MMRN2: variants seen among roughly 807,000 people sequenced by gnomAD.
MMRN2 encodes the protein multimerin-2.
In MMRN2, 53 loss-of-function variants were observed where a neutral mutation model predicts 68.8. That is an observed-to-expected ratio of 0.77 (90% CI 0.62 to 0.97). MMRN2 has a LOEUF of 0.97. MMRN2 is among the 50% of genes least tolerant of loss of function. The pLI is 0.00. For synonymous variants in MMRN2, 564 were observed against 551.6 expected, an observed-to-expected ratio of 1.02 and a Z score of -0.32; for missense variants, 1,266 against 1,259.5, an observed-to-expected ratio of 1.01 and a Z score of -0.08.
chr10:86,942,650 C>G lies in MMRN2; in HGVS notation c.2134G>C (p.Gly712Arg). The change falls in exon 6 of 7, where the codon GGG becomes CGG. Residue 712 changes from glycine (G) to arginine (R), a missense_variant. Physicochemically the swap from Gly to Arg is moderately radical, Grantham distance 125. Transcript: ENST00000372027. ...CCGGCCTCGGCCTCGCAGCACCGCC[C>G]GACATTCTTGACGTCGTTGCTCAGG... The part of the protein sequence containing the change: ...QSLSNDVKNV[G>R]RCCEAEAGAG... 2 of 1,597,932 alleles carry G rather than the reference C, an allele frequency of 1.3e-6. No individual in the cohort carries two copies. The highest frequency in any genetic ancestry group is 1.7e-4 in the Middle Eastern group (1 of 5,790).
In MMRN2 at chr10:86,936,279, A is replaced by G. The variant is rs149569211; in HGVS notation, c.*464T>C. On this transcript the variant is annotated 3_prime_UTR_variant, in exon 7 of 7. Coordinates refer to ENST00000372027, the MANE Select transcript of MMRN2 (RefSeq NM_024756.3). ...TCCCATTGCCCTCTAGTGCTTTCCA[A>G]TGTTGGCCAAAATGTTGCCTCCATT... The G allele has an allele frequency of 1.1e-3, 481 of 421,336 alleles. 6 individuals carry two copies. The highest frequency in any genetic ancestry group is 8.1e-3 in the African/African-American group (402 of 49,390). 26.1% of individuals were successfully genotyped at this position (421,336 alleles called of 1,614,324 possible).
Position 86,944,297 on chromosome 10 carries a change from G to C in MMRN2, c.620C>G (p.Thr207Arg). 1 of 1,613,082 alleles carries C rather than the reference G, an allele frequency of 6.2e-7. No individual in the cohort carries two copies. The highest frequency in any genetic ancestry group is 8.5e-7 in the Non-Finnish European group (1 of 1,179,422). Reference sequence around the variant, plus strand: ...TTGATTTGCTTCCATCACTGCAGCTGTGAGGTTACCAGGCAGGGCTTTCCA... The same window carrying C: ...TTGATTTGCTTCCATCACTGCAGCTCTGAGGTTACCAGGCAGGGCTTTCCA... ...GLWKALPGNLTAAVMEANQTG... is the reference protein window; with the variant it reads ...GLWKALPGNLRAAVMEANQTG... The change falls in exon 5 of 7, where the codon ACA (threonine) becomes AGA (arginine). Residue 207 changes from threonine to arginine, a missense_variant. Thr to Arg is a moderately conservative substitution (Grantham distance 71, BLOSUM62 -1). Coordinates refer to ENST00000372027, the MANE Select transcript of MMRN2 (RefSeq NM_024756.3).
At position 86,935,780 on chromosome 10, in the gene MMRN2, T is replaced by A. The variant is rs1466172033; in HGVS notation, c.*963A>T. On this transcript the variant is annotated 3_prime_UTR_variant, in exon 7 of 7. Coordinates refer to ENST00000372027, the MANE Select transcript of MMRN2 (RefSeq NM_024756.3). Reference sequence around the variant, plus strand: ...AAAGACATGAAATTTAAATTACAGATAAACACAAGTGTATTAGTCCATTTT... The same window carrying A: ...AAAGACATGAAATTTAAATTACAGAAAAACACAAGTGTATTAGTCCATTTT... 1 of 152,268 alleles carries A rather than the reference T, an allele frequency of 6.6e-6. No homozygotes were observed. The highest frequency in any genetic ancestry group is 2.4e-5 in the African/African-American group (1 of 41,458). 9.4% of individuals were successfully genotyped at this position (152,268 alleles called of 1,614,324 possible). A position where few individuals can be genotyped will look rare whatever the true frequency, so the allele number is the denominator to read the frequency against.
chr10:86,943,575 G>A lies in MMRN2; in HGVS notation c.1209C>T (p.Ala403=). ...TCTCATCCACGTGCCGGGTCAGGGT[G>A]GCCCTCATGTCCTCCAGGGTGTACT... The part of the protein sequence containing the change: ...ELQYTLEDMR[A]TLTRHVDEIK... Residue 403 remains alanine (A), a synonymous_variant, in exon 6 of 7, where the codon GCC becomes GCT. Transcript: ENST00000372027. The surrounding 1 kb of genome is among the most constrained non-coding windows in gnomAD (Gnocchi z 4.2). 1.2e-6 allele frequency: 2 copies of A among 1,614,126 alleles called. No individual in the cohort carries two copies. The highest frequency in any genetic ancestry group is 1.7e-6 in the Non-Finnish European group (2 of 1,180,034).
intron 6 of MMRN2, among the ~76,000 whole-genome samples, chr10:86,939,677 C>A (rs12769780): frequency 0.42 from 63,898 of 151,472 alleles, 14,502 homozygotes; most frequent in East Asian, 0.71. Context: ...AGACCCCCAC[C>A]CCAACCCAGC....
At chr10:86,948,698 A>G (rs1844105286) in intron 1 of MMRN2, 1 of 152,196 alleles carries the variant, frequency 6.6e-6, no homozygotes, top group South Asian at 2.1e-4. Flanking sequence ...TCATGCCTGT[A>G]ATCCCAGTAT....
chr10:86,953,656 A>G (rs1326101628), intron 1 of MMRN2, among the ~76,000 whole-genome samples: 1 of 152,214 alleles, frequency 6.6e-6, no homozygotes, highest in East Asian at 1.9e-4. Context: ...CAAATACCCT[A>G]CAATGCATAG....
rs1441255838 is a variant in MMRN2, at chr10:86,943,698, T to C, written c.1086A>G (p.Ala362=). ...SLVLATPGAG[A]RPEPDSLQAR... ...CCTGCAGGCTGTCCGGCTCAGGCCTTGCCCCAGCCCCAGGCGTTGCCAACA... is the reference window on the plus strand; with the variant it reads ...CCTGCAGGCTGTCCGGCTCAGGCCTCGCCCCAGCCCCAGGCGTTGCCAACA... The change falls in exon 6 of 7, where the codon GCA becomes GCG. Residue 362 remains alanine, a synonymous_variant. Transcript: ENST00000372027. The surrounding 1 kb of genome is among the most constrained non-coding windows in gnomAD (Gnocchi z 4.2). The C allele has an allele frequency of 6.2e-7, 1 of 1,610,344 alleles. No individual in the cohort carries two copies. The highest frequency in any genetic ancestry group is 1.7e-5 in the Admixed American group (1 of 60,032).
In MMRN2 at chr10:86,936,767, C is replaced by T. The variant is rs778835506; in HGVS notation, c.2826G>A (p.Gly942=). The change falls in exon 7 of 7, where the codon GGG becomes GGA. Residue 942 remains glycine (G), a synonymous_variant. Transcript: ENST00000372027. ...TKRSLSGTAF[G]GFLMFKT ...TTCAGGTCTTAAACATCAGGAAGCCCCCAAATGCAGTGCCCGACAGGCTTC... is the reference window on the plus strand; with the variant it reads ...TTCAGGTCTTAAACATCAGGAAGCCTCCAAATGCAGTGCCCGACAGGCTTC... The T allele has an allele frequency of 1.2e-6, 2 of 1,614,148 alleles. No homozygotes were observed. Among genetic ancestry groups the T allele is most frequent in the Non-Finnish European group, 1.7e-6 (2 of 1,180,028 alleles).
chr10:86,955,381 G>A (rs1589308456), intron 1 of MMRN2, among the ~76,000 whole-genome samples: 1 of 152,298 alleles, frequency 6.6e-6, no homozygotes, highest in East Asian at 1.9e-4. Context: ...GGCAACCTAA[G>A]AAGCAGTTAA....
chr10:86,939,675 ACC>A (rs371629226), intron 6 of MMRN2, among the ~76,000 whole-genome samples: 3 of 151,038 alleles, frequency 2.0e-5, no homozygotes, highest in Non-Finnish European at 4.4e-5. Flanking sequence ...AGAGACCCCC[ACC>A]CCAACCCAGC....
chr10:86,946,722 A>G (rs1280946533), intron 1 of MMRN2, among the ~76,000 whole-genome samples: 1 of 152,108 alleles, frequency 6.6e-6, no homozygotes, highest in African/African-American at 2.4e-5. Context: ...TGAAAGTGGC[A>G]ATGATCTCTG....
chr10:86,946,900 T>C (rs566530840), intron 1 of MMRN2, among the ~76,000 whole-genome samples: 1 of 152,148 alleles, frequency 6.6e-6, no homozygotes, highest in Admixed American at 6.5e-5. Flanking sequence ...AAGGAGCTAA[T>C]GGGGCTGTGT....
chr10:86,952,017 G>A (rs556971165), intron 1 of MMRN2, among the ~76,000 whole-genome samples: 4 of 152,258 alleles, frequency 2.6e-5, no homozygotes, highest in South Asian at 2.1e-4. Flanking sequence ...CACTGCACTC[G>A]AGCCTGGGTC....
At chr10:86,945,941 A>G (rs1844062214) in intron 1 of MMRN2, 2 of 954,038 alleles carry the variant, frequency 2.1e-6, no homozygotes, top group South Asian at 3.6e-5. Context: ...AGAGGCTGAG[A>G]AACCCACCAC....
intron 1 of MMRN2, among the ~76,000 whole-genome samples, chr10:86,956,144 G>A (rs1030812801): frequency 2.9e-4 from 11 of 37,562 alleles, no homozygotes; most frequent in South Asian, 2.7e-3. Flanking sequence ...CCCCTCCCCC[G>A]CCCCCTGCTC....
chr10:86,950,689 T>C (rs1844134466), intron 1 of MMRN2, among the ~76,000 whole-genome samples: 1 of 151,696 alleles, frequency 6.6e-6, no homozygotes, highest in Non-Finnish European at 1.5e-5. Context: ...CATGAATGAG[T>C]GTAGAGAGCA....
chr10:86,943,369 T>C lies in MMRN2; in HGVS notation c.1415A>G (p.Asn472Ser). Residue 472 changes from asparagine (N) to serine (S), a missense_variant, in exon 6 of 7, where the codon AAC (asparagine) becomes AGC (serine). Transcript: ENST00000372027. The surrounding 1 kb of genome is among the most constrained non-coding windows in gnomAD (Gnocchi z 4.2). ...EEVERQLLEL[N>S]LTLQHLQGGH... ...ACCCTGCAGGTGCTGCAGCGTGAGG[T>C]TGAGCTCCAGGAGCTGCCGCTCCAC... 6.2e-7 allele frequency: 1 copy of C among 1,614,002 alleles called. No homozygotes were observed. Among genetic ancestry groups the C allele is most frequent in the Non-Finnish European group, 8.5e-7 (1 of 1,180,006 alleles).
At position 86,942,490 on chromosome 10, in the gene MMRN2, T is replaced by A; in HGVS notation, c.2294A>T (p.Asn765Ile). 6.2e-7 allele frequency: 1 copy of A among 1,614,114 alleles called. No individual in the cohort carries two copies. Among genetic ancestry groups the A allele is most frequent in the Non-Finnish European group, 8.5e-7 (1 of 1,180,018 alleles). ...FGNFQGLMEA[N>I]VSLDLGKLQT... ...CAGCTTCCCCAGGTCCAGGCTGACG[T>A]TGGCTTCCATGAGCCCTTGGAAGTT... Residue 765 changes from asparagine (N) to isoleucine (I), a missense_variant, in exon 6 of 7, where the codon AAC becomes ATC. Coordinates refer to ENST00000372027, the MANE Select transcript of MMRN2 (RefSeq NM_024756.3).
Sources: allele counts gnomAD v4.1 joint callset (sites outside exome capture counted in the v4.1 genomes callset), GRCh38; gene constraint gnomAD v4.1.1; non-coding constraint Gnocchi (gnomAD v3.1); transcripts MANE v1.5; gene names NCBI Gene and HGNC (gene_info 2026-07-23, HGNC 2026-07-21).